Variants in FOSL2 observed in about 807,000 individuals in gnomAD.
The protein encoded by FOSL2 is fos-related antigen 2.
A neutral mutation model predicts 27.7 loss-of-function variants in FOSL2; 3 were observed. The ratio of observed to expected loss-of-function variants is 0.11; its 90% CI spans 0.05 to 0.28. FOSL2 has a LOEUF of 0.28. FOSL2 is among the 10% of genes least tolerant of loss of function. FOSL2 has a pLI of 1.00. For synonymous variants in FOSL2, 179 were observed against 190.1 expected (o/e 0.94, Z 0.48); for missense variants, 333 against 445.1 (o/e 0.75, Z 2.27).
Position 28,416,156 on chromosome 2 carries a change from AG to A in FOSL2, c.*3710del, listed in dbSNP as rs1367552493. 6.6e-6 allele frequency: 1 copy of A among 152,086 alleles called. No individual in the cohort carries two copies. Among genetic ancestry groups the A allele is most frequent in the Non-Finnish European group, 1.5e-5 (1 of 68,036 alleles). The allele number at this position is 152,086 out of a possible 1,614,324, so 9.4% of individuals were successfully genotyped here. A position where few individuals can be genotyped will look rare whatever the true frequency, so the allele number is the denominator to read the frequency against. ...TGTGCGCATGTGTGTATACATTTCC[AG>A]GCGTGCCTGTGTCCTGTAGCTTTTT... On this transcript the variant is annotated 3_prime_UTR_variant, in exon 4 of 4. Coordinates refer to ENST00000264716, the MANE Select transcript of FOSL2 (RefSeq NM_005253.4).
intron 1 of FOSL2, among the ~76,000 whole-genome samples, chr2:28,395,293 C>G (rs757681833): frequency 6.6e-6 from 1 of 152,226 alleles, no homozygotes; most frequent in East Asian, 1.9e-4. Flanking sequence ...GTCTCCCGTT[C>G]GACAAACCCC....
chr2:28,402,887 T>A (rs1664004215), intron 1 of FOSL2, among the ~76,000 whole-genome samples: 1 of 152,202 alleles, frequency 6.6e-6, no homozygotes, highest in Non-Finnish European at 1.5e-5. Flanking sequence ...TAAATTTCTG[T>A]CCCTAAAATG....
intron 1 of FOSL2, among the ~76,000 whole-genome samples, chr2:28,403,609 GAC>G (rs1280607079): frequency 6.6e-6 from 1 of 152,206 alleles, no homozygotes; most frequent in African/African-American, 2.4e-5. Context: ...GACAAAGGCA[GAC>G]ACAGTATGCT....
Position 28,415,094 on chromosome 2 carries a change from T to C in FOSL2, c.*2646T>C, listed in dbSNP as rs1029830886. 3 of 152,270 alleles carry C rather than the reference T, an allele frequency of 2.0e-5. No homozygotes were observed. Among genetic ancestry groups the C allele is most frequent in the Admixed American group, 6.5e-5 (1 of 15,276 alleles). The allele number at this position is 152,270 out of a possible 1,614,324, so 9.4% of individuals were successfully genotyped here. The stretch of plus-strand genomic sequence containing the variant: ...GGCTCCAGCTATGGGAACAGCTGCA[T>C]TGGGGCTGCCTTTCTGTTTGGCTTA... On this transcript the variant is annotated 3_prime_UTR_variant, in exon 4 of 4. Coordinates refer to ENST00000264716, the MANE Select transcript of FOSL2 (RefSeq NM_005253.4).
chr2:28,399,462 C>T (rs1029583588), intron 1 of FOSL2, among the ~76,000 whole-genome samples: 9 of 152,068 alleles, frequency 5.9e-5, no homozygotes, highest in Non-Finnish European at 1.2e-4. Context: ...GTTTGGTGGC[C>T]CTAGAGGGTC....
At chr2:28,401,668 C>T (rs944030130) in intron 1 of FOSL2, among the ~76,000 whole-genome samples, 1 of 152,220 alleles carries the variant, frequency 6.6e-6, no homozygotes, top group Admixed American at 6.5e-5. Context: ...CTACTCACAG[C>T]CCAGCCCCAA....
At chr2:28,399,398 G>A (rs1386231022) in intron 1 of FOSL2, among the ~76,000 whole-genome samples, 1 of 152,186 alleles carries the variant, frequency 6.6e-6, no homozygotes, top group African/African-American at 2.4e-5. Context: ...GTCTCAGGAG[G>A]CAGTTTTCCC....
Position 28,404,802 on chromosome 2 carries a change from C to T in FOSL2, c.354+444C>T, listed in dbSNP as rs541218781. Among the ~76,000 whole-genome samples the T allele has an allele frequency of 1.3e-5, 2 of 152,182 alleles. No individual in the cohort carries two copies. The highest frequency in any genetic ancestry group is 1.9e-4 in the East Asian group (1 of 5,192). On this transcript the variant is annotated intron_variant, in intron 2 of 3. Transcript: ENST00000264716. The surrounding 1 kb of genome is among the most constrained non-coding windows in gnomAD (Gnocchi z 4.7). ...AGTGCAGGCCAGGCACCCAGCAGAC[C>T]TACGGGGTCAAGCTCTGGGTCGGTA...
In FOSL2 at chr2:28,414,405, C is replaced by G. The variant is rs1404118846; in HGVS notation, c.*1957C>G. On this transcript the variant is annotated 3_prime_UTR_variant, in exon 4 of 4. Coordinates refer to ENST00000264716, the MANE Select transcript of FOSL2 (RefSeq NM_005253.4). The stretch of plus-strand genomic sequence containing the variant: ...CTTTAAAAATGTTATTTCCTGCATC[C>G]CTTGGCTGTGATGCCCCTCTCCCGA... The G allele has an allele frequency of 6.6e-6, 1 of 152,038 alleles. No individual in the cohort carries two copies. Among genetic ancestry groups the G allele is most frequent in the Admixed American group, 6.6e-5 (1 of 15,264 alleles). The allele number at this position is 152,038 out of a possible 1,614,324, so 9.4% of individuals were successfully genotyped here. A position where few individuals can be genotyped will look rare whatever the true frequency, so the allele number is the denominator to read the frequency against.
At chr2:28,409,686 C>A (rs1664152172) in intron 3 of FOSL2, among the ~76,000 whole-genome samples, 1 of 152,234 alleles carries the variant, frequency 6.6e-6, no homozygotes, top group Admixed American at 6.5e-5. Context: ...GTCAGTGGTC[C>A]TCACAGTGAC....
intron 3 of FOSL2, among the ~76,000 whole-genome samples, chr2:28,409,930 A>AG (rs895190739): frequency 2.6e-5 from 4 of 152,110 alleles, no homozygotes; most frequent in Admixed American, 2.6e-4. Flanking sequence ...TAATAGAGAC[A>AG]GGGTTTCACC....
At chr2:28,395,625 A>G (rs1172909027) in intron 1 of FOSL2, 2 of 152,256 alleles carry the variant, frequency 1.3e-5, no homozygotes, top group Non-Finnish European at 2.9e-5. Context: ...TCATTACCGA[A>G]GCAAAAAGCA....
intron 1 of FOSL2, among the ~76,000 whole-genome samples, chr2:28,394,137 G>GGCCCC (rs1663750381): frequency 1.2e-5 from 1 of 80,862 alleles, no homozygotes; most frequent in Non-Finnish European, 2.4e-5. Flanking sequence ...CCCAGTGTCT[G>GGCCCC]CCCCCCCCCC....
Position 28,404,834 on chromosome 2 carries a change from A to G in FOSL2, c.354+476A>G, listed in dbSNP as rs1664044867. Among the ~76,000 whole-genome samples the G allele has an allele frequency of 1.3e-5, 2 of 152,186 alleles. No homozygotes were observed. The highest frequency in any genetic ancestry group is 2.9e-5 in the Non-Finnish European group (2 of 68,022). Reference sequence around the variant, plus strand: ...GTCAAGCTCTGGGTCGGTACTGCCCACGACTTCCCATTCCTCCTCAGTGTT... The same window carrying G: ...GTCAAGCTCTGGGTCGGTACTGCCCGCGACTTCCCATTCCTCCTCAGTGTT... On this transcript the variant is annotated intron_variant, in intron 2 of 3. Transcript: ENST00000264716. The surrounding 1 kb of genome is among the most constrained non-coding windows in gnomAD (Gnocchi z 4.7).
chr2:28,398,754 A>T (rs1036224913), intron 1 of FOSL2, among the ~76,000 whole-genome samples: 1 of 152,274 alleles, frequency 6.6e-6, no homozygotes, highest in African/African-American at 2.4e-5. Flanking sequence ...TTGGGAAATC[A>T]CAACTTATTA....
At chr2:28,403,290 G>C (rs1049907605) in intron 1 of FOSL2, among the ~76,000 whole-genome samples, 1 of 152,154 alleles carries the variant, frequency 6.6e-6, no homozygotes, top group African/African-American at 2.4e-5. Flanking sequence ...ATGTTCCAGA[G>C]AGCTCTGCAA....
chr2:28,397,540 A>T (rs796437038), intron 1 of FOSL2, among the ~76,000 whole-genome samples: 25 of 152,340 alleles, frequency 1.6e-4, no homozygotes, highest in African/African-American at 6.0e-4. Context: ...AATAGCAGTC[A>T]TGTATTGTCT....
intron 1 of FOSL2, among the ~76,000 whole-genome samples, chr2:28,394,042 C>T (rs1174736692): frequency 1.3e-5 from 2 of 149,606 alleles, no homozygotes; most frequent in African/African-American, 4.9e-5. Flanking sequence ...TTTCCTCTCA[C>T]GTTATATTTT....
In FOSL2 at chr2:28,413,255, C is replaced by G. The variant is rs1664240894; in HGVS notation, c.*807C>G. 2.6e-6 allele frequency: 1 copy of G among 381,012 alleles called. No homozygotes were observed. The highest frequency in any genetic ancestry group is 4.6e-6 in the Non-Finnish European group (1 of 215,446). The allele number at this position is 381,012 out of a possible 1,614,324, so 23.6% of individuals were successfully genotyped here. On this transcript the variant is annotated 3_prime_UTR_variant, in exon 4 of 4. Coordinates refer to ENST00000264716, the MANE Select transcript of FOSL2 (RefSeq NM_005253.4). ...TTTGCCAAACGCCTAATTACCAGGCCAGGAAGCATGCCAACAAAGCCACAC... is the reference window on the plus strand; with the variant it reads ...TTTGCCAAACGCCTAATTACCAGGCGAGGAAGCATGCCAACAAAGCCACAC...
Sources: gnomAD v4.1 joint callset for allele counts (sites outside exome capture counted in the v4.1 genomes callset) on GRCh38, gnomAD v4.1.1 for gene constraint, Gnocchi (gnomAD v3.1) non-coding constraint, MANE v1.5 for transcripts, NCBI Gene and HGNC (gene_info 2026-07-23, HGNC 2026-07-21) for gene names.